Variants in DNM2 observed in about 807,000 individuals in gnomAD.
The protein encoded by DNM2 is dynamin-2.
DNM2 carries 15 observed loss-of-function variants against 99.0 expected under a neutral mutation model. The observed-to-expected ratio is 0.15, with a 90% CI of 0.10 to 0.23. DNM2 has a LOEUF of 0.23. DNM2 is among the 10% of genes least tolerant of loss of function. DNM2 has a pLI of 1.00. For missense variants in DNM2, 742 were observed against 1,189.4 expected, an observed-to-expected ratio of 0.62 and a Z score of 5.53; for synonymous variants, 525 against 481.2, an observed-to-expected ratio of 1.09 and a Z score of -1.19.
At chr19:10,739,531 CTTTG>C (rs937145946) in intron 1 of DNM2, among the ~76,000 whole-genome samples, 1 of 152,086 alleles carries the variant, frequency 6.6e-6, no homozygotes, top group Non-Finnish European at 1.5e-5. Context: ...TTGTGTGTGG[CTTTG>C]TTTATTTAGC....
chr19:10,736,602 TTTTG>T (rs372669018), intron 1 of DNM2, among the ~76,000 whole-genome samples: 2 of 150,250 alleles, frequency 1.3e-5, no homozygotes, highest in Non-Finnish European at 1.5e-5. Context: ...GGTATTAGTT[TTTTG>T]TTTGTTTGTT....
At position 10,817,521 on chromosome 19, in the gene DNM2, A is replaced by AC; in HGVS notation, c.1672-2453dup. ...CGGGGCCGGCTATCCATCCTGCAGA[A>AC]CCCCCCAGGCAGACGCTGGGGCCAC... On this transcript the variant is annotated intron_variant, in intron 15 of 20. Transcript: ENST00000389253. The surrounding 1 kb of genome is among the most constrained non-coding windows in gnomAD (Gnocchi z 4.6). The AC allele has an allele frequency of 2.3e-6, 1 of 440,946 alleles. No individual in the cohort carries two copies. The highest frequency in any genetic ancestry group is 9.0e-5 in the East Asian group (1 of 11,092). 27.3% of individuals were successfully genotyped at this position (440,946 alleles called of 1,614,324 possible). A position where few individuals can be genotyped will look rare whatever the true frequency, so the allele number is the denominator to read the frequency against.
At chr19:10,792,875 T>A (rs2071803115) in intron 7 of DNM2, among the ~76,000 whole-genome samples, 1 of 152,168 alleles carries the variant, frequency 6.6e-6, no homozygotes, top group African/African-American at 2.4e-5. Flanking sequence ...CCCAAAGTGC[T>A]GGGATTATAG....
At chr19:10,828,482 G>GAGAC (rs2073223312) in intron 18 of DNM2, among the ~76,000 whole-genome samples, 1 of 151,992 alleles carries the variant, frequency 6.6e-6, no homozygotes. Context: ...AGCTACTTGG[G>GAGAC]AGACTGAGGC....
At position 10,811,337 on chromosome 19, in the gene DNM2, C is replaced by T. The variant is rs977070666; in HGVS notation, c.1558-927C>T. 18 of 216,244 alleles carry T rather than the reference C, an allele frequency of 8.3e-5. No homozygotes were observed. The highest frequency in any genetic ancestry group is 1.9e-4 in the African/African-American group (8 of 42,928). 13.4% of individuals were successfully genotyped at this position (216,244 alleles called of 1,614,324 possible). A position where few individuals can be genotyped will look rare whatever the true frequency, so the allele number is the denominator to read the frequency against. ...TCCGGATGAAGCCCCTCCAGAGGAC[C>T]GCCCCCGACTAGGACAGCATCTGGG... On this transcript the variant is annotated intron_variant, in intron 14 of 20. Coordinates refer to ENST00000389253, the MANE Select transcript of DNM2 (RefSeq NM_001005361.3). The surrounding 1 kb of genome is among the most constrained non-coding windows in gnomAD (Gnocchi z 5.4).
At chr19:10,748,342 A>T (rs1445764992) in intron 1 of DNM2, among the ~76,000 whole-genome samples, 1 of 152,156 alleles carries the variant, frequency 6.6e-6, no homozygotes, top group Non-Finnish European at 1.5e-5. Context: ...TGAAACCAGC[A>T]GGACTCGCGG....
Position 10,820,342 on chromosome 19 carries a change from C to A in DNM2, c.1781+253C>A, listed in dbSNP as rs1414656225. ...GAGTCAGTGGGAGCCATGGAGAGTT[C>A]TGAGCACAGGGTGACCAGGACCTGG... On this transcript the variant is annotated intron_variant, in intron 16 of 20. Coordinates refer to ENST00000389253, the MANE Select transcript of DNM2 (RefSeq NM_001005361.3). This position sits in a 1 kb window ranked among gnomAD's most constrained non-coding sequence, Gnocchi z 4.3. Among the ~76,000 whole-genome samples the A allele has an allele frequency of 6.6e-6, 1 of 152,260 alleles. No individual in the cohort carries two copies. The highest frequency in any genetic ancestry group is 1.5e-5 in the Non-Finnish European group (1 of 68,044).
intron 18 of DNM2, among the ~76,000 whole-genome samples, chr19:10,825,939 G>A (rs1454221137): frequency 6.6e-6 from 1 of 151,820 alleles, no homozygotes; most frequent in Non-Finnish European, 1.5e-5. Flanking sequence ...GGAGGCTGAG[G>A]CAGGAGGATC....
intron 5 of DNM2, among the ~76,000 whole-genome samples, chr19:10,778,025 T>TTATTTATG (rs2071214133): frequency 6.8e-6 from 1 of 146,386 alleles, no homozygotes; most frequent in African/African-American, 2.5e-5. Context: ...TTCATTTTAT[T>TTATTTATG]TATTTATTTA....
chr19:10,724,650 T>C (rs981665445), intron 1 of DNM2, among the ~76,000 whole-genome samples: 1 of 151,936 alleles, frequency 6.6e-6, no homozygotes, highest in Non-Finnish European at 1.5e-5. Context: ...CTGGGAGATA[T>C]TAGGGTGGGA....
At chr19:10,776,487 G>C (rs1371038871) in intron 4 of DNM2, among the ~76,000 whole-genome samples, 1 of 152,178 alleles carries the variant, frequency 6.6e-6, no homozygotes, top group Non-Finnish European at 1.5e-5. Context: ...ACCCACCAGA[G>C]ATCTTCACTC....
chr19:10,719,034 C>T (rs2068848968), intron 1 of DNM2, among the ~76,000 whole-genome samples: 2 of 152,260 alleles, frequency 1.3e-5, no homozygotes, highest in African/African-American at 2.4e-5. Flanking sequence ...TGGGTGACAC[C>T]AGCTGGCCTC....
At position 10,830,824 on chromosome 19, in the gene DNM2, C is replaced by G. The variant is rs2073321210; in HGVS notation, c.2544-154C>G. On this transcript the variant is annotated intron_variant, in intron 20 of 20. Transcript: ENST00000389253. This position sits in a 1 kb window ranked among gnomAD's most constrained non-coding sequence, Gnocchi z 4.8. ...GGCGAGTTGATGCCTAGGTTTGGCA[C>G]TCCTGCCCGACACCCTGGTGGCTTG... Among the ~76,000 whole-genome samples, 1 of 152,112 alleles carries G rather than the reference C, an allele frequency of 6.6e-6. No homozygotes were observed. Among genetic ancestry groups the G allele is most frequent in the South Asian group, 2.1e-4 (1 of 4,826 alleles).
chr19:10,724,905 C>T (rs573241415), intron 1 of DNM2, among the ~76,000 whole-genome samples: 8 of 152,262 alleles, frequency 5.3e-5, no homozygotes, highest in African/African-American at 1.9e-4. Flanking sequence ...TTTATTTGGC[C>T]TTTGGTGATG....
intron 10 of DNM2, among the ~76,000 whole-genome samples, chr19:10,797,778 G>A (rs748710676): frequency 3.3e-5 from 5 of 152,104 alleles, no homozygotes; most frequent in Non-Finnish European, 1.5e-5. Flanking sequence ...CCCTTTCCTG[G>A]AACCCCTAGA....
rs1365935410 is a variant in DNM2 at position 10,811,946 on chromosome 19, A to G, written c.1558-318A>G. ...TGCAGTTCCTCAGATGTCACATTTC[A>G]TGTGCCACAGCCCCACACACAAGCC... is the stretch of plus-strand genomic sequence containing the variant. On this transcript the variant is annotated intron_variant, in intron 14 of 20. Transcript: ENST00000389253. This position sits in a 1 kb window ranked among gnomAD's most constrained non-coding sequence, Gnocchi z 5.4. 2.2e-6 allele frequency: 1 copy of G among 459,088 alleles called. No individual in the cohort carries two copies. The highest frequency in any genetic ancestry group is 2.4e-5 in the Admixed American group (1 of 42,016). The allele number at this position is 459,088 out of a possible 1,614,324, so 28.4% of individuals were successfully genotyped here.
intron 1 of DNM2, among the ~76,000 whole-genome samples, chr19:10,724,885 C>T (rs2145676111): frequency 6.6e-6 from 1 of 152,300 alleles, no homozygotes; most frequent in South Asian, 2.1e-4. Flanking sequence ...CTGGCGTTTC[C>T]AGCTGCGTTT....
chr19:10,821,165 G>A (rs1391063477), intron 16 of DNM2, among the ~76,000 whole-genome samples: 1 of 152,040 alleles, frequency 6.6e-6, no homozygotes, highest in African/African-American at 2.4e-5. Context: ...GCTCTGGCTG[G>A]CCTAAAGCTC....
chr19:10,811,715 G>T lies in DNM2; in HGVS notation c.1558-549G>T, dbSNP rs770493789. Reference sequence around the variant, plus strand: ...GGTTCTGACCCCCACGCAGATGACAGCTACAGCCACACAATCCCCATCCAT... The same window carrying T: ...GGTTCTGACCCCCACGCAGATGACATCTACAGCCACACAATCCCCATCCAT... On this transcript the variant is annotated intron_variant, in intron 14 of 20. Coordinates refer to ENST00000389253, the MANE Select transcript of DNM2 (RefSeq NM_001005361.3). This position sits in a 1 kb window ranked among gnomAD's most constrained non-coding sequence, Gnocchi z 5.4. 10 of 518,316 alleles carry T rather than the reference G, an allele frequency of 1.9e-5. No homozygotes were observed. Among genetic ancestry groups the T allele is most frequent in the African/African-American group, 3.9e-5 (2 of 51,932 alleles). 32.1% of individuals were successfully genotyped at this position (518,316 alleles called of 1,614,324 possible). A position where few individuals can be genotyped will look rare whatever the true frequency, so the allele number is the denominator to read the frequency against.
Sources: gnomAD v4.1 joint callset for allele counts (sites outside exome capture counted in the v4.1 genomes callset) on GRCh38, gnomAD v4.1.1 for gene constraint, Gnocchi (gnomAD v3.1) non-coding constraint, MANE v1.5 for transcripts, NCBI Gene and HGNC (gene_info 2026-07-23, HGNC 2026-07-21) for gene names.